Variants in CACNA1B observed in about 807,000 individuals in gnomAD.
CACNA1B encodes calcium voltage-gated channel subunit alpha1 B.
Under a neutral mutation model 247.2 loss-of-function variants are expected in CACNA1B, and 70 were observed. That is an observed-to-expected ratio of 0.28 (90% CI 0.23 to 0.35). CACNA1B has a LOEUF of 0.35. Ranked by LOEUF, CACNA1B falls within the 10% of genes least tolerant of loss-of-function variation. CACNA1B has a pLI of 1.00. For missense variants in CACNA1B, 2,367 were observed against 3,197.4 expected, an observed-to-expected ratio of 0.74 and a Z score of 6.26; for synonymous variants, 1,231 against 1,294.4, an observed-to-expected ratio of 0.95 and a Z score of 1.05.
chr9:137,903,370 G>C (rs1957261648), intron 3 of CACNA1B, among the ~76,000 whole-genome samples: 1 of 152,150 alleles, frequency 6.6e-6, no homozygotes, highest in African/African-American at 2.4e-5. Context: ...TGGCGAGAGA[G>C]CGAGACTCCA....
At chr9:137,916,887 G>A (rs1242511308) in intron 5 of CACNA1B, among the ~76,000 whole-genome samples, 4 of 149,742 alleles carry the variant, frequency 2.7e-5, no homozygotes, top group African/African-American at 9.8e-5. Flanking sequence ...CGGTTTGGCT[G>A]TGAGGGAGAG....
At chr9:137,942,915 A>G (rs1328595783) in intron 6 of CACNA1B, among the ~76,000 whole-genome samples, 1 of 152,160 alleles carries the variant, frequency 6.6e-6, no homozygotes, top group Non-Finnish European at 1.5e-5. Flanking sequence ...ACCACTAAAG[A>G]ACTTACGCAT....
chr9:137,970,985 G>A (rs900770085), intron 10 of CACNA1B, among the ~76,000 whole-genome samples: 16 of 152,180 alleles, frequency 1.1e-4, no homozygotes, highest in African/African-American at 3.6e-4. Flanking sequence ...GATGCTGCAG[G>A]GCTCTGTGGG....
intron 10 of CACNA1B, among the ~76,000 whole-genome samples, chr9:137,958,002 T>C (rs1379792510): frequency 6.6e-6 from 1 of 152,226 alleles, no homozygotes; most frequent in Non-Finnish European, 1.5e-5. Context: ...AGGAACATTC[T>C]GGTTAATTTA....
At chr9:137,965,829 C>T (rs1381982544) in intron 10 of CACNA1B, among the ~76,000 whole-genome samples, 6 of 152,300 alleles carry the variant, frequency 3.9e-5, no homozygotes, top group African/African-American at 9.6e-5. Context: ...ATGATCCGCC[C>T]GCCTTGGCCT....
intron 6 of CACNA1B, among the ~76,000 whole-genome samples, chr9:137,920,487 A>G (rs1481815989): frequency 1.3e-5 from 2 of 152,184 alleles, no homozygotes; most frequent in African/African-American, 4.8e-5. Flanking sequence ...ATGAGCCACC[A>G]CACCTGGCCT....
In CACNA1B at chr9:137,975,661, C is replaced by T. The variant is rs139651408; in HGVS notation, c.1544-246C>T. Among the ~76,000 whole-genome samples the T allele has an allele frequency of 1.7e-4, 26 of 152,318 alleles. No individual in the cohort carries two copies. In the East Asian group the frequency reaches 4.3e-3, roughly 25 times the overall value. On this transcript the variant is annotated intron_variant, in intron 11 of 46. Transcript: ENST00000371372. Reference sequence around the variant, plus strand: ...TCGGGAGCTTGCCTCCTGCTGAGCCCGTCCTTCTCTGGGTCTCAGAGGCAC... The same window carrying T: ...TCGGGAGCTTGCCTCCTGCTGAGCCTGTCCTTCTCTGGGTCTCAGAGGCAC...
At chr9:138,043,437 G>A (rs1959152790) in intron 20 of CACNA1B, among the ~76,000 whole-genome samples, 1 of 152,150 alleles carries the variant, frequency 6.6e-6, no homozygotes, top group African/African-American at 2.4e-5. Flanking sequence ...AGAGGCAGTG[G>A]GAAGGTCTCA....
At chr9:138,094,442 T>TAAA (rs753995157) in intron 36 of CACNA1B, among the ~76,000 whole-genome samples, 10 of 93,694 alleles carry the variant, frequency 1.1e-4, no homozygotes, top group African/African-American at 1.8e-4. Context: ...TTTACTACAG[T>TAAA]AAAAAAAAAA....
chr9:137,960,603 C>G (rs1656172146), intron 10 of CACNA1B, among the ~76,000 whole-genome samples: 2 of 151,980 alleles, frequency 1.3e-5, no homozygotes, highest in South Asian at 4.2e-4. Context: ...TTCCAGGCAA[C>G]GAGTGCCAAG....
In CACNA1B at chr9:137,974,858, C is replaced by T. The variant is rs957647891; in HGVS notation, c.1544-1049C>T. On this transcript the variant is annotated intron_variant, in intron 11 of 46. Transcript: ENST00000371372. This position sits in a 1 kb window ranked among gnomAD's most constrained non-coding sequence, Gnocchi z 4.5. Reference sequence around the variant, plus strand: ...TGGGCTCTGCCCTGGGCTCTGTTGCCTCCCTAGCCCCTGCTGACCTGGCAG... The same window carrying T: ...TGGGCTCTGCCCTGGGCTCTGTTGCTTCCCTAGCCCCTGCTGACCTGGCAG... 1.3e-5 allele frequency among the ~76,000 whole-genome samples: 2 copies of T among 152,252 alleles called. No homozygotes were observed. The highest frequency in any genetic ancestry group is 1.5e-5 in the Non-Finnish European group (1 of 68,040).
chr9:138,068,077 C>G (rs1271678410), intron 31 of CACNA1B, among the ~76,000 whole-genome samples: 1 of 152,170 alleles, frequency 6.6e-6, no homozygotes, highest in African/African-American at 2.4e-5. Context: ...TTCTCAGAAA[C>G]AGTTTTTGGT....
Position 138,010,090 on chromosome 9 carries a change from A to G in CACNA1B, c.2160+13A>G, listed in dbSNP as rs1475924802. 2.5e-6 allele frequency: 4 copies of G among 1,609,002 alleles called. No individual in the cohort carries two copies. In the African/African-American group the frequency reaches 4.0e-5, roughly 16 times the overall value. ...AGAGCTGACCAAGGTAGGTGGCGAC[A>G]GGGAGGGACCGGTGTCAGCCCATGT... On this transcript the variant is annotated intron_variant, in intron 17 of 46. Coordinates refer to ENST00000371372, the MANE Select transcript of CACNA1B (RefSeq NM_000718.4). The surrounding 1 kb of genome is among the most constrained non-coding windows in gnomAD (Gnocchi z 5.3).
At chr9:137,908,180 G>T (rs1172863226) in intron 3 of CACNA1B, among the ~76,000 whole-genome samples, 2 of 152,208 alleles carry the variant, frequency 1.3e-5, no homozygotes, top group African/African-American at 4.8e-5. Context: ...AGATGAGCTT[G>T]TTAAGTTCTA....
At chr9:137,885,181 C>A (rs1956992594) in intron 3 of CACNA1B, among the ~76,000 whole-genome samples, 1 of 151,264 alleles carries the variant, frequency 6.6e-6, no homozygotes, top group Non-Finnish European at 1.5e-5. Flanking sequence ...GTCTTCCCTC[C>A]AGGCAGCCTG....
intron 3 of CACNA1B, among the ~76,000 whole-genome samples, chr9:137,901,794 A>G (rs1380838150): frequency 6.7e-6 from 1 of 148,960 alleles, no homozygotes. Context: ...GGTTCACATG[A>G]TTCTCCTGCC....
At chr9:138,088,913 C>G (rs903671740) in intron 36 of CACNA1B, among the ~76,000 whole-genome samples, 17 of 133,726 alleles carry the variant, frequency 1.3e-4, no homozygotes, top group Admixed American at 8.3e-4. Flanking sequence ...GACCGGAGAT[C>G]GCGCCATTGC....
At chr9:137,942,912 A>G (rs1471806929) in intron 6 of CACNA1B, among the ~76,000 whole-genome samples, 1 of 152,178 alleles carries the variant, frequency 6.6e-6, no homozygotes, top group East Asian at 1.9e-4. Flanking sequence ...ATCACCACTA[A>G]AGAACTTACG....
chr9:137,906,882 C>G (rs930904469), intron 3 of CACNA1B, among the ~76,000 whole-genome samples: 2 of 152,248 alleles, frequency 1.3e-5, no homozygotes, highest in Non-Finnish European at 2.9e-5. Context: ...GCACTCTCCC[C>G]TGGTCTGCAT....
Sources: gnomAD v4.1 joint callset for allele counts (sites outside exome capture counted in the v4.1 genomes callset) on GRCh38, gnomAD v4.1.1 for gene constraint, Gnocchi (gnomAD v3.1) non-coding constraint, MANE v1.5 for transcripts, NCBI Gene and HGNC (gene_info 2026-07-23, HGNC 2026-07-21) for gene names.